The following DOCK1 variants were observed in gnomAD, a reference collection of about 807,000 sequenced individuals.
The protein encoded by DOCK1 is dedicator of cytokinesis protein 1.
A neutral mutation model predicts 262.7 loss-of-function variants in DOCK1; 138 were observed. The observed-to-expected ratio is 0.53, with a 90% CI of 0.46 to 0.61. The LOEUF (loss-of-function observed/expected upper bound fraction) is 0.61. Ranked by LOEUF, DOCK1 falls within the 20% of genes least tolerant of loss-of-function variation. The pLI, the probability that DOCK1 is intolerant of heterozygous loss-of-function variation, is 0.00. For synonymous variants in DOCK1, 866 were observed against 867.4 expected, an observed-to-expected ratio of 1.00 and a Z score of 0.03; for missense variants, 1,908 against 2,370.7, an observed-to-expected ratio of 0.80 and a Z score of 4.05.
At chr10:127,265,028 G>A (rs996749132) in intron 29 of DOCK1, among the ~76,000 whole-genome samples, 7 of 152,334 alleles carry the variant, frequency 4.6e-5, no homozygotes, top group African/African-American at 1.7e-4. Context: ...GAAGGAATCA[G>A]TTGAGAATTC....
At chr10:127,234,239 C>T (rs997349467) in intron 27 of DOCK1, among the ~76,000 whole-genome samples, 3 of 152,138 alleles carry the variant, frequency 2.0e-5, no homozygotes, top group Middle Eastern at 3.4e-3. Context: ...AAAGACAACA[C>T]AAAAATATTG....
Position 127,026,399 on chromosome 10 carries a change from C to T in DOCK1, c.1599C>T (p.Thr533=). Residue 533 remains threonine (T), a synonymous_variant, in exon 16 of 52, where the codon ACC becomes ACT. Transcript: ENST00000623213. ...TTAACCGCAGTCACCTTCGGTTTAC[C>T]TTCCGCCACAGGTCATCACAGGACT... ...EDVNRSHLRF[T]FRHRSSQDSK... 1 of 1,579,576 alleles carries T rather than the reference C, an allele frequency of 6.3e-7. No homozygotes were observed. Among genetic ancestry groups the T allele is most frequent in the Non-Finnish European group, 8.6e-7 (1 of 1,161,416 alleles).
intron 43 of DOCK1, among the ~76,000 whole-genome samples, chr10:127,414,949 T>C (rs2068072776): frequency 6.6e-6 from 1 of 152,226 alleles, no homozygotes; most frequent in Admixed American, 6.5e-5. Context: ...GATACTTTGA[T>C]GTATCCTGAG....
At chr10:127,024,869 C>T (rs1244759308) in intron 15 of DOCK1, 86 bp downstream of exon 15, 3 of 1,221,564 alleles carry the variant, frequency 2.5e-6, no homozygotes, top group Admixed American at 2.4e-5. Flanking sequence ...ACATCCTCCT[C>T]AGCCCGGGAG....
chr10:127,422,936 C>G (rs1391290546), intron 46 of DOCK1, among the ~76,000 whole-genome samples: 1 of 152,016 alleles, frequency 6.6e-6, no homozygotes, highest in East Asian at 1.9e-4. Context: ...AATTTGTTCC[C>G]CAGAGAGCAG....
At chr10:127,125,686 T>C in intron 26 of DOCK1, 85 bp downstream of exon 26, 6 of 1,533,650 alleles carry the variant, frequency 3.9e-6, no homozygotes, top group Non-Finnish European at 4.4e-6. Flanking sequence ...CAGTTAAAAA[T>C]GAAAGGTCTT....
At chr10:127,307,316 A>G (rs934980977) in intron 29 of DOCK1, among the ~76,000 whole-genome samples, 5 of 152,050 alleles carry the variant, frequency 3.3e-5, no homozygotes, top group African/African-American at 1.2e-4. Context: ...CCATGTTTCG[A>G]CATTTTACCT....
At position 126,947,029 on chromosome 10, in the gene DOCK1, G is replaced by A. The variant is rs952546053; in HGVS notation, c.47-23673G>A. ...CTGGCCCATGACTGGGGAGAGATGC[G>A]GTCCAAGGACTGGTACCTGGAGGCT... On this transcript the variant is annotated intron_variant, in intron 1 of 51. Coordinates refer to ENST00000623213, the MANE Select transcript of DOCK1 (RefSeq NM_001290223.2). Among the ~76,000 whole-genome samples the A allele has an allele frequency of 9.9e-5, 15 of 152,180 alleles. No individual in the cohort carries two copies. The South Asian group carries it at 1.2e-3, about 13-fold the overall frequency.
At chr10:127,031,779 T>C (rs767126767) in intron 17 of DOCK1, 26 bp downstream of exon 17, 1 of 1,592,900 alleles carries the variant, frequency 6.3e-7, no homozygotes, top group East Asian at 2.2e-5. Context: ...GGTGCAATAT[T>C]GCTGCTATAG....
intron 23 of DOCK1, among the ~76,000 whole-genome samples, chr10:127,093,242 CTTT>C (rs200302331): frequency 1.3e-5 from 1 of 79,340 alleles, no homozygotes. Flanking sequence ...TTTCTTTCTT[CTTT>C]TTTTTTTTTT....
At chr10:126,975,086 T>A (rs1272494451) in intron 2 of DOCK1, among the ~76,000 whole-genome samples, 4 of 152,134 alleles carry the variant, frequency 2.6e-5, no homozygotes, top group Non-Finnish European at 5.9e-5. Context: ...GGTGTGCATC[T>A]GTTTTTAACA....
rs139920198 is a variant in DOCK1 at position 127,451,615 on chromosome 10, TG to T, written c.*191del. 1.4e-4 allele frequency: 196 copies of T among 1,399,860 alleles called. No individual in the cohort carries two copies. In the African/African-American group the frequency reaches 2.4e-3, roughly 17 times the overall value. 86.7% of individuals were successfully genotyped at this position (1,399,860 alleles called of 1,614,324 possible). ...TGGCCTTTAGCGTCATGGAGCAAGG[TG>T]GGTCTGGGAGGTAGATATGGGTCCG... On this transcript the variant is annotated 3_prime_UTR_variant, in exon 52 of 52. Transcript: ENST00000623213.
At chr10:127,279,713 A>G (rs929802800) in intron 29 of DOCK1, among the ~76,000 whole-genome samples, 5 of 152,188 alleles carry the variant, frequency 3.3e-5, no homozygotes, top group African/African-American at 1.2e-4. Flanking sequence ...TGGTGTATTC[A>G]GACCTCAGTG....
At chr10:127,327,691 A>G (rs1186126116) in intron 29 of DOCK1, among the ~76,000 whole-genome samples, 2 of 152,210 alleles carry the variant, frequency 1.3e-5, no homozygotes, top group Non-Finnish European at 2.9e-5. Context: ...CATCTCTTGT[A>G]TCTTTACCAT....
At chr10:127,067,463 A>G (rs978781721) in intron 23 of DOCK1, among the ~76,000 whole-genome samples, 1 of 151,522 alleles carries the variant, frequency 6.6e-6, no homozygotes, top group Middle Eastern at 3.2e-3. Context: ...CATGATCCAC[A>G]GTAGGAAATT....
chr10:127,200,016 C>A (rs2057381964), intron 27 of DOCK1, among the ~76,000 whole-genome samples: 1 of 152,192 alleles, frequency 6.6e-6, no homozygotes, highest in Admixed American at 6.5e-5. Context: ...AGCAGAACTT[C>A]CTTCTTTAGG....
rs532612234 is a variant in DOCK1, at chr10:127,310,441, C to T, written c.3045-28565C>T. On this transcript the variant is annotated intron_variant, in intron 29 of 51. Transcript: ENST00000623213. ...GGCCAAGGGCATGGCCGGGCTTTGT[C>T]GCTGCCTTATTATGGATTTGATAAG... Among the ~76,000 whole-genome samples the T allele has an allele frequency of 4.8e-3, 733 of 152,202 alleles. 7 individuals are homozygous for T. The highest frequency in any genetic ancestry group is 0.017 in the African/African-American group (705 of 41,530).
chr10:126,985,990 C>T (rs2039354938), intron 4 of DOCK1, among the ~76,000 whole-genome samples: 1 of 151,950 alleles, frequency 6.6e-6, no homozygotes, highest in African/African-American at 2.4e-5. Context: ...GATTACAGGC[C>T]CGCACCACCA....
At chr10:127,404,552 A>G (rs545818246) in intron 40 of DOCK1, 123 bp downstream of exon 40, 3 of 856,804 alleles carry the variant, frequency 3.5e-6, no homozygotes, top group Non-Finnish European at 5.6e-6. Context: ...CTACACTGCC[A>G]TAGCTCGGTG....
Sources: gnomAD v4.1 joint callset for allele counts (sites outside exome capture counted in the v4.1 genomes callset) on GRCh38, gnomAD v4.1.1 for gene constraint, MANE v1.5 for transcripts, NCBI Gene and HGNC (gene_info 2026-07-23, HGNC 2026-07-21) for gene names.